Variants in ATP8B4 observed in about 807,000 individuals in gnomAD.
The protein encoded by ATP8B4 is probable phospholipid-transporting ATPase IM.
A neutral mutation model predicts 145.6 loss-of-function variants in ATP8B4; 133 were observed. That is an observed-to-expected ratio of 0.91 (90% CI 0.79 to 1.05). The LOEUF (loss-of-function observed/expected upper bound fraction) is 1.05. Among genes scored for constraint, ATP8B4 ranks in the 50% least tolerant of loss-of-function variants. ATP8B4 has a pLI of 0.00. For missense variants in ATP8B4, 1,458 were observed against 1,425.2 expected, an observed-to-expected ratio of 1.02 and a Z score of -0.37; for synonymous variants, 507 against 492.9, an observed-to-expected ratio of 1.03 and a Z score of -0.38.
At chr15:49,904,685 G>T (rs554356921) in intron 20 of ATP8B4, among the ~76,000 whole-genome samples, 228 of 152,242 alleles carry the variant, frequency 1.5e-3, no homozygotes, top group African/African-American at 5.3e-3. Context: ...ATAATAGATA[G>T]CCCAGATCAC....
chr15:50,010,764 C>T (rs1599789051), intron 7 of ATP8B4, 81 bp downstream of exon 7: 1 of 900,736 alleles, frequency 1.1e-6, no homozygotes, highest in East Asian at 3.1e-5. Flanking sequence ...TAAGGATTTA[C>T]TAAATTTGCA....
intron 13 of ATP8B4, among the ~76,000 whole-genome samples, chr15:49,971,304 A>C (rs983864918): frequency 6.6e-6 from 1 of 152,256 alleles, no homozygotes; most frequent in African/African-American, 2.4e-5. Context: ...TCTGCACAGC[A>C]AAAGAAACTA....
chr15:50,053,294 G>C (rs1437695795), intron 3 of ATP8B4, among the ~76,000 whole-genome samples: 1 of 152,184 alleles, frequency 6.6e-6, no homozygotes, highest in Non-Finnish European at 1.5e-5. Context: ...TGTAAGTGGT[G>C]ATTGTAAGAG....
intron 17 of ATP8B4, among the ~76,000 whole-genome samples, chr15:49,921,257 T>G (rs1318161928): frequency 6.6e-6 from 1 of 152,194 alleles, no homozygotes; most frequent in Non-Finnish European, 1.5e-5. Flanking sequence ...TTGGGAATTT[T>G]AAAGATACCA....
In ATP8B4 at chr15:49,858,435, C is replaced by T. The variant is rs976480800; in HGVS notation, c.*1759G>A. On this transcript the variant is annotated 3_prime_UTR_variant, in exon 28 of 28. Transcript: ENST00000284509. ...AAGGACTGCATTTGACTCTTTTACA[C>T]ATATTATTTCATTTGATCCCATTTA... is the stretch of plus-strand genomic sequence containing the variant. The T allele has an allele frequency of 2.0e-5, 3 of 152,198 alleles. No individual in the cohort carries two copies. The highest frequency in any genetic ancestry group is 4.4e-5 in the Non-Finnish European group (3 of 68,030). The allele number at this position is 152,198 out of a possible 1,614,324, so 9.4% of individuals were successfully genotyped here.
upstream of ATP8B4, among the ~76,000 whole-genome samples, chr15:50,121,647 T>C (rs1454310060): frequency 5.3e-5 from 8 of 152,002 alleles, no homozygotes; most frequent in Admixed American, 5.2e-4. Flanking sequence ...GTTTAAATTC[T>C]CGATTTAGGA....
chr15:50,145,511 T>G (rs1394457561), intron 1 of ATP8B4, among the ~76,000 whole-genome samples: 1 of 152,190 alleles, frequency 6.6e-6, no homozygotes. Context: ...ACTCCACAGC[T>G]CATCATTCCA....
At chr15:50,019,915 T>C (rs755967183) in intron 6 of ATP8B4, among the ~76,000 whole-genome samples, 1 of 152,060 alleles carries the variant, frequency 6.6e-6, no homozygotes, top group Non-Finnish European at 1.5e-5. Flanking sequence ...AGAGCTAGAG[T>C]TCCTCTCTCC....
At chr15:49,929,800 C>T (rs1000407574) in intron 16 of ATP8B4, among the ~76,000 whole-genome samples, 4 of 151,798 alleles carry the variant, frequency 2.6e-5, no homozygotes, top group Non-Finnish European at 4.4e-5. Flanking sequence ...TCAAATACTA[C>T]TAAGTTTAAA....
Position 49,920,251 on chromosome 15 carries a change from A to C in ATP8B4, c.1918T>G (p.Leu640Val), listed in dbSNP as rs766058317. 4 of 1,613,874 alleles carry C rather than the reference A, an allele frequency of 2.5e-6. No homozygotes were observed. The highest frequency in any genetic ancestry group is 3.4e-6 in the Non-Finnish European group (4 of 1,179,882). ...AGLYEEIERD[L>V]MLLGATAVED... ...TCATGCTTCTAAACTCATACCATCA[A>C]ATCTCTTTCAATTTCTTCATATAGC... is the stretch of plus-strand genomic sequence containing the variant. Residue 640 changes from leucine to valine, a missense_variant, in exon 18 of 28, where the codon TTG becomes GTG. Physicochemically the swap from Leu to Val is conservative, Grantham distance 32. Coordinates refer to ENST00000284509, the MANE Select transcript of ATP8B4 (RefSeq NM_024837.4).
intron 14 of ATP8B4, among the ~76,000 whole-genome samples, chr15:49,943,731 A>G (rs748642217): frequency 6.6e-6 from 1 of 152,234 alleles, no homozygotes; most frequent in Non-Finnish European, 1.5e-5. Flanking sequence ...AGTCTTTCAG[A>G]TTGAAATGAA....
At chr15:49,906,680 T>C (rs1190494738) in intron 20 of ATP8B4, among the ~76,000 whole-genome samples, 1 of 152,190 alleles carries the variant, frequency 6.6e-6, no homozygotes, top group East Asian at 1.9e-4. Context: ...ATTTCACTAA[T>C]TGGACTTTTG....
intron 6 of ATP8B4, among the ~76,000 whole-genome samples, chr15:50,014,808 T>G (rs2048969222): frequency 6.6e-6 from 1 of 152,190 alleles, no homozygotes; most frequent in South Asian, 2.1e-4. Context: ...TGACTTCCAT[T>G]TTACAGAATA....
At chr15:50,167,433 C>T (rs1240505635) in intron 1 of ATP8B4, among the ~76,000 whole-genome samples, 1 of 152,162 alleles carries the variant, frequency 6.6e-6, no homozygotes, top group Middle Eastern at 3.2e-3. Flanking sequence ...GCACTTCAAT[C>T]TCTGCCTCCA....
intron 1 of ATP8B4, among the ~76,000 whole-genome samples, chr15:50,171,291 G>A (rs2044671002): frequency 6.6e-6 from 1 of 152,114 alleles, no homozygotes; most frequent in African/African-American, 2.4e-5. Flanking sequence ...CTCCAAGATA[G>A]ACCATGTGAT....
At chr15:50,081,602 C>T (rs2054561771) in intron 2 of ATP8B4, among the ~76,000 whole-genome samples, 1 of 152,120 alleles carries the variant, frequency 6.6e-6, no homozygotes, top group Non-Finnish European at 1.5e-5. Flanking sequence ...CAAAAGAAAA[C>T]AGGCCATTTA....
intron 20 of ATP8B4, among the ~76,000 whole-genome samples, chr15:49,909,924 C>T (rs2039056961): frequency 6.6e-6 from 1 of 151,858 alleles, no homozygotes; most frequent in Non-Finnish European, 1.5e-5. Context: ...AACGTAAGGA[C>T]ACAAGAAACG....
At chr15:50,133,373 G>GT (rs2044074969) in intron 1 of ATP8B4, among the ~76,000 whole-genome samples, 2 of 152,090 alleles carry the variant, frequency 1.3e-5, no homozygotes, top group South Asian at 4.1e-4. Flanking sequence ...GAGCCCAGGA[G>GT]TTTGAGACCA....
rs775822186 is a variant in ATP8B4, at chr15:50,047,402, T to G, written c.150A>C (p.Glu50Asp). ...AGGCATTTGCCACTCTTTGGAACTG[T>G]TCAAATAAATTAATTGGCAAGAAGG... ...ILTFLPINLF[E>D]QFQRVANAYF... The change falls in exon 4 of 28, where the codon GAA (glutamate) becomes GAC (aspartate). Residue 50 changes from glutamate to aspartate, a missense_variant. By Grantham distance (45) the Glu-to-Asp change is conservative (BLOSUM62 2). Coordinates refer to ENST00000284509, the MANE Select transcript of ATP8B4 (RefSeq NM_024837.4). 6.2e-7 allele frequency: 1 copy of G among 1,600,772 alleles called. No individual in the cohort carries two copies. The highest frequency in any genetic ancestry group is 1.3e-5 in the African/African-American group (1 of 74,596).
Sources: gnomAD v4.1 joint callset for allele counts (sites outside exome capture counted in the v4.1 genomes callset) on GRCh38, gnomAD v4.1.1 for gene constraint, MANE v1.5 for transcripts, NCBI Gene and HGNC (gene_info 2026-07-23, HGNC 2026-07-21) for gene names.